Variants in ATP8A1 observed in about 807,000 individuals in gnomAD.
The protein encoded by ATP8A1 is ATPase phospholipid transporting 8A1.
ATP8A1 carries 90 observed loss-of-function variants against 177.7 expected under a neutral mutation model. That is an observed-to-expected ratio of 0.51 (90% confidence interval 0.43 to 0.60). The LOEUF is 0.60. ATP8A1 is among the 20% of genes least tolerant of loss of function. ATP8A1 has a pLI of 0.00. For missense variants in ATP8A1, 1,072 were observed against 1,392.8 expected (o/e 0.77, Z 3.67); for synonymous variants, 493 against 485.9 (o/e 1.01, Z -0.19).
At position 42,509,493 on chromosome 4, in the gene ATP8A1, G is replaced by A. The variant is rs141485828; in HGVS notation, c.1948-2339C>T. Among the ~76,000 whole-genome samples the A allele has an allele frequency of 1.0e-3, 155 of 152,316 alleles. 1 individual carries two copies. Among genetic ancestry groups the A allele is most frequent in the East Asian group, 2.3e-3 (12 of 5,190 alleles). On this transcript the variant is annotated intron_variant, in intron 22 of 36. Transcript: ENST00000381668. ...TGTATACATGAGTATGTATGTCTAA[G>A]TAGATACACACACATGTCCCCCACT... is the stretch of plus-strand genomic sequence containing the variant.
intron 1 of ATP8A1, among the ~76,000 whole-genome samples, chr4:42,640,715 G>A (rs1333045643): frequency 6.6e-6 from 1 of 152,150 alleles, no homozygotes; most frequent in Non-Finnish European, 1.5e-5. Flanking sequence ...ATCCCTGCCT[G>A]TGAGCCCTTC....
chr4:42,485,764 T>C, intron 24 of ATP8A1, 96 bp from the exon 25 acceptor site: 2 of 1,016,306 alleles, frequency 2.0e-6, no homozygotes, highest in Non-Finnish European at 2.8e-6. Flanking sequence ...TTTAGTTATT[T>C]TTAGTGCTTT....
At chr4:42,465,955 C>T in intron 25 of ATP8A1, among the ~76,000 whole-genome samples, 1 of 146,626 alleles carries the variant, frequency 6.8e-6, no homozygotes. Flanking sequence ...TGGAGTGAAC[C>T]CAGGAGGCGG....
intron 6 of ATP8A1, among the ~76,000 whole-genome samples, chr4:42,596,314 T>C (rs1018642455): frequency 6.6e-6 from 1 of 152,202 alleles, no homozygotes; most frequent in Non-Finnish European, 1.5e-5. Flanking sequence ...GTCACTCATA[T>C]TTGCAACATC....
intron 19 of ATP8A1, among the ~76,000 whole-genome samples, chr4:42,546,244 C>T (rs1213491123): frequency 3.9e-5 from 6 of 151,918 alleles, no homozygotes; most frequent in South Asian, 2.1e-4. Flanking sequence ...GTTCTCGCCC[C>T]GCAGCCATAA....
chr4:42,538,534 A>G (rs1399198803), intron 20 of ATP8A1, among the ~76,000 whole-genome samples: 1 of 152,220 alleles, frequency 6.6e-6, no homozygotes, highest in Non-Finnish European at 1.5e-5. Context: ...TAATATCCAG[A>G]ATCTACAACA....
At chr4:42,476,439 T>C (rs1233784408) in intron 25 of ATP8A1, among the ~76,000 whole-genome samples, 1 of 151,710 alleles carries the variant, frequency 6.6e-6, no homozygotes, top group Admixed American at 6.6e-5. Flanking sequence ...GCCAATATGG[T>C]GAAACCCTAT....
chr4:42,475,532 C>T lies in ATP8A1; in HGVS notation c.2324+9964G>A, dbSNP rs553950941. ...ATTCAGGACATAGAAAAGGCCATAA[C>T]GGTCAGAGAGAAATCTTTATATATG... is the stretch of plus-strand genomic sequence containing the variant. On this transcript the variant is annotated intron_variant, in intron 25 of 36. Transcript: ENST00000381668. Among the ~76,000 whole-genome samples the T allele has an allele frequency of 1.0e-4, 15 of 147,370 alleles. No homozygotes were observed. In the South Asian group the frequency reaches 1.9e-3, roughly 19 times the overall value.
chr4:42,584,896 A>T (rs1277018999), intron 9 of ATP8A1, among the ~76,000 whole-genome samples: 1 of 152,076 alleles, frequency 6.6e-6, no homozygotes. Flanking sequence ...GTGAATTCCC[A>T]TTTCACTCAG....
rs867682198 is a variant in ATP8A1, at chr4:42,619,998, G to A, written c.364-3920C>T. On this transcript the variant is annotated intron_variant, in intron 4 of 36. Transcript: ENST00000381668. ...CACCATCACGTGTCTTTGAGTAAGT[G>A]AAAAATAAACTTATATATTAAGCCA... Among the ~76,000 whole-genome samples, 3 of 152,100 alleles carry A rather than the reference G, an allele frequency of 2.0e-5. No homozygotes were observed. The South Asian group carries it at 6.2e-4, about 32-fold the overall frequency.
chr4:42,450,546 G>C (rs1390153375), intron 30 of ATP8A1, among the ~76,000 whole-genome samples: 1 of 152,194 alleles, frequency 6.6e-6, no homozygotes, highest in African/African-American at 2.4e-5. Flanking sequence ...TGGCCTCCAG[G>C]GTCAATATTC....
At chr4:42,558,937 A>G (rs1014454882) in intron 15 of ATP8A1, among the ~76,000 whole-genome samples, 3 of 152,228 alleles carry the variant, frequency 2.0e-5, no homozygotes, top group African/African-American at 7.2e-5. Flanking sequence ...CACTTTCGGG[A>G]GGCTGAGGCA....
chr4:42,502,465 T>C (rs962210556), intron 24 of ATP8A1, among the ~76,000 whole-genome samples: 1 of 152,192 alleles, frequency 6.6e-6, no homozygotes, highest in Non-Finnish European at 1.5e-5. Context: ...AGAAAGATGA[T>C]GGCAAGAATA....
At chr4:42,464,355 T>C (rs140858187) in intron 27 of ATP8A1, among the ~76,000 whole-genome samples, 2,149 of 150,668 alleles carry the variant, frequency 0.014, 22 homozygotes, top group South Asian at 0.038. Flanking sequence ...AACCTCTGCC[T>C]CCTGGGTTCA....
At chr4:42,561,168 C>T (rs577560919) in intron 15 of ATP8A1, among the ~76,000 whole-genome samples, 12 of 152,314 alleles carry the variant, frequency 7.9e-5, no homozygotes, top group Middle Eastern at 3.4e-3. Context: ...AGGACAAGTG[C>T]ACTTGCTTTT....
At chr4:42,415,604 T>C (rs1713154247) in intron 35 of ATP8A1, among the ~76,000 whole-genome samples, 1 of 152,216 alleles carries the variant, frequency 6.6e-6, no homozygotes, top group Non-Finnish European at 1.5e-5. Context: ...TGTTTTGATA[T>C]TAAAGAACAT....
intron 15 of ATP8A1, among the ~76,000 whole-genome samples, chr4:42,560,186 C>T (rs1367746129): frequency 6.6e-6 from 1 of 152,080 alleles, no homozygotes; most frequent in East Asian, 1.9e-4. Flanking sequence ...GTATGCTTCA[C>T]TTTCTGTAAA....
intron 35 of ATP8A1, among the ~76,000 whole-genome samples, chr4:42,415,757 T>C (rs911460187): frequency 2.0e-5 from 3 of 152,214 alleles, no homozygotes; most frequent in Non-Finnish European, 4.4e-5. Context: ...TGCTGTGTTA[T>C]GTTAGTTCTG....
At chr4:42,574,759 C>G in intron 13 of ATP8A1, 52 bp from the exon 14 acceptor site, 1 of 1,282,266 alleles carries the variant, frequency 7.8e-7, no homozygotes, top group African/African-American at 1.5e-5. Context: ...TTATGCCACT[C>G]TTTTACAGAG....
Sources: gnomAD v4.1 joint callset for allele counts (sites outside exome capture counted in the v4.1 genomes callset) on GRCh38, gnomAD v4.1.1 for gene constraint, MANE v1.5 for transcripts, NCBI Gene and HGNC (gene_info 2026-07-23, HGNC 2026-07-21) for gene names.